Variants in DISP1 observed in about 807,000 individuals in gnomAD.
DISP1 encodes dispatched RND transporter family member 1, also known as protein dispatched homolog 1.
A neutral mutation model predicts 37.3 loss-of-function variants in DISP1; 30 were observed. The observed-to-expected ratio is 0.80, with a 90% CI of 0.60 to 1.09. DISP1 has a LOEUF of 1.09. Among genes scored for constraint, DISP1 ranks in the 50% least tolerant of loss-of-function variants. The pLI is 0.00. For synonymous variants in DISP1, 634 were observed against 690.2 expected (o/e 0.92, Z 1.28); for missense variants, 1,598 against 1,879.5 (o/e 0.85, Z 2.77).
intron 1 of DISP1, among the ~76,000 whole-genome samples, chr1:222,879,078 G>A (rs1670132724): frequency 6.6e-6 from 1 of 152,088 alleles, no homozygotes; most frequent in African/African-American, 2.4e-5. Context: ...TAATACGTTA[G>A]GGGCTTTCAC....
At chr1:222,991,989 G>T in intron 6 of DISP1, 24 bp from the exon 7 acceptor site, 1 of 1,567,486 alleles carries the variant, frequency 6.4e-7, no homozygotes, top group Non-Finnish European at 8.8e-7. Context: ...CTTTATTGAA[G>T]ATCAAATTGT....
chr1:222,859,598 C>G (rs1354155383), intron 1 of DISP1, among the ~76,000 whole-genome samples: 1 of 152,128 alleles, frequency 6.6e-6, no homozygotes, highest in Non-Finnish European at 1.5e-5. Context: ...AATAAAGGCT[C>G]TTGGATATTT....
chr1:222,942,454 A>G (rs1414163027), intron 2 of DISP1, among the ~76,000 whole-genome samples: 1 of 152,164 alleles, frequency 6.6e-6, no homozygotes, highest in Non-Finnish European at 1.5e-5. Context: ...GAAAAGCTAA[A>G]GGATGCTATT....
At chr1:222,943,492 A>G in intron 3 of DISP1, 160 bp downstream of exon 3, 2 of 912,732 alleles carry the variant, frequency 2.2e-6, no homozygotes, top group South Asian at 3.3e-5. Context: ...AAAAACGCAA[A>G]TAAAATAATA....
intron 1 of DISP1, among the ~76,000 whole-genome samples, chr1:222,848,699 A>G (rs575506856): frequency 3.0e-4 from 45 of 152,314 alleles, no homozygotes; most frequent in African/African-American, 1.0e-3. Flanking sequence ...AGGATATAAT[A>G]TCTACCGTGA....
intron 1 of DISP1, among the ~76,000 whole-genome samples, chr1:222,860,752 G>A (rs114409253): frequency 0.014 from 2,197 of 152,128 alleles, 57 homozygotes; most frequent in African/African-American, 0.05. Context: ...GGGCGGGGTA[G>A]CGTGTGCCTG....
chr1:222,937,067 ATATAT>A (rs1273915729), intron 2 of DISP1, among the ~76,000 whole-genome samples: 1 of 50,546 alleles, frequency 2.0e-5, no homozygotes, highest in Non-Finnish European at 3.3e-5. Flanking sequence ...GCAATATATA[ATATAT>A]TATTTAATAT....
chr1:222,850,715 A>G lies in DISP1; in HGVS notation c.-159+35637A>G, dbSNP rs138662526. Among the ~76,000 whole-genome samples, 1,031 of 152,232 alleles carry G rather than the reference A, an allele frequency of 6.8e-3. 14 individuals are homozygous for G. Among genetic ancestry groups the G allele is most frequent in the African/African-American group, 0.023 (956 of 41,526 alleles). ...ATGTTTGTTTTTTTGTTCCTGCATT[A>G]GTTTGCTAAGGATAATGGCCTCCAG... On this transcript the variant is annotated intron_variant, in intron 1 of 8. Coordinates refer to ENST00000675850, the MANE Select transcript of DISP1 (RefSeq NM_001377229.1).
At chr1:222,905,836 C>T (rs1378291938) in intron 1 of DISP1, among the ~76,000 whole-genome samples, 2 of 152,096 alleles carry the variant, frequency 1.3e-5, no homozygotes, top group African/African-American at 4.8e-5. Context: ...TAAAATTAAG[C>T]ATGAGTAAAA....
intron 1 of DISP1, among the ~76,000 whole-genome samples, chr1:222,877,569 CT>C (rs537405222): frequency 5.8e-4 from 88 of 152,254 alleles, no homozygotes; most frequent in African/African-American, 1.8e-3. Context: ...CCATATCAGC[CT>C]TTTCTAGTGT....
chr1:222,876,353 T>A (rs951778885), intron 1 of DISP1, among the ~76,000 whole-genome samples: 2 of 152,072 alleles, frequency 1.3e-5, no homozygotes, highest in Non-Finnish European at 2.9e-5. Context: ...TGAAGCAGAG[T>A]AGCAACACTT....
chr1:222,847,738 G>T (rs1201965616), intron 1 of DISP1, among the ~76,000 whole-genome samples: 1 of 152,032 alleles, frequency 6.6e-6, no homozygotes, highest in African/African-American at 2.4e-5. Context: ...TGCAACCCAG[G>T]GGGAAGGGAG....
At chr1:222,842,313 T>TA (rs1231331032) in intron 1 of DISP1, among the ~76,000 whole-genome samples, 13 of 148,904 alleles carry the variant, frequency 8.7e-5, no homozygotes, top group Admixed American at 1.3e-4. Context: ...CCTGTCATTT[T>TA]AAAAAAAAAA....
At chr1:222,927,511 A>G (rs927411149) in intron 1 of DISP1, among the ~76,000 whole-genome samples, 1 of 152,090 alleles carries the variant, frequency 6.6e-6, no homozygotes, top group African/African-American at 2.4e-5. Context: ...CATTTTCTTG[A>G]TAATGTCTTT....
At chr1:222,833,552 GAGA>G (rs1160442971) in intron 1 of DISP1, among the ~76,000 whole-genome samples, 1 of 152,212 alleles carries the variant, frequency 6.6e-6, no homozygotes. Flanking sequence ...TTGGCCTGAG[GAGA>G]AGGGCGTAGG....
chr1:222,992,813 G>T, intron 7 of DISP1, among the ~76,000 whole-genome samples: 1 of 150,398 alleles, frequency 6.6e-6, no homozygotes. Flanking sequence ...TGGGGTTCTA[G>T]AAATGAGGGC....
Position 222,964,296 on chromosome 1 carries a change from T to TTA in DISP1, c.510-18784_510-18783insTA, listed in dbSNP as rs1676295133. On this transcript the variant is annotated intron_variant, in intron 3 of 8. Coordinates refer to ENST00000675850, the MANE Select transcript of DISP1 (RefSeq NM_001377229.1). ...CCTGGCGACAGAGCGAGACTCTATC[T>TTA]CAAAAAAAAAAAAAAAGTGTTTGGA... Among the ~76,000 whole-genome samples the TTA allele has an allele frequency of 2.0e-4, 2 of 9,894 alleles. 1 individual carries two copies. Among genetic ancestry groups the TTA allele is most frequent in the African/African-American group, 4.9e-4 (2 of 4,118 alleles). 6.5% of individuals were successfully genotyped at this position (9,894 alleles called of 152,430 possible).
intron 1 of DISP1, among the ~76,000 whole-genome samples, chr1:222,824,579 C>T (rs972294055): frequency 1.3e-5 from 2 of 151,524 alleles, no homozygotes; most frequent in African/African-American, 4.8e-5. Context: ...TTTTATTTTC[C>T]ATTTGTTCCA....
rs1447808835 is a variant in DISP1, at chr1:222,940,132, AAAAAG to A, written c.-17-2665_-17-2661del. On this transcript the variant is annotated intron_variant, in intron 2 of 8. Transcript: ENST00000675850. The stretch of plus-strand genomic sequence containing the variant: ...CAGAGCAAGACTCCATCTCAAAAAA[AAAAAG>A]AAAAGAAAAAAAAATAACCTGAGAC... 1.5e-4 allele frequency among the ~76,000 whole-genome samples: 23 copies of A among 151,800 alleles called. No homozygotes were observed. In the Middle Eastern group the frequency reaches 0.014, roughly 90 times the overall value.
Sources: allele counts gnomAD v4.1 joint callset (sites outside exome capture counted in the v4.1 genomes callset), GRCh38; gene constraint gnomAD v4.1.1; transcripts MANE v1.5; gene names NCBI Gene and HGNC (gene_info 2026-07-23, HGNC 2026-07-21).